NSUN6: variants seen among roughly 807,000 people sequenced by gnomAD.
NSUN6 encodes the protein tRNA (cytosine(72)-C(5))-methyltransferase NSUN6.
In NSUN6, 64 loss-of-function variants were observed where a neutral mutation model predicts 58.0. The observed-to-expected ratio is 1.10, with a 90% CI of 0.90 to 1.36. The LOEUF (loss-of-function observed/expected upper bound fraction) is 1.36. Ranked by LOEUF, NSUN6 falls within the 40% of genes most tolerant of loss-of-function variation. The pLI, the probability that NSUN6 is intolerant of heterozygous loss-of-function variation, is 0.00. For missense variants in NSUN6, 701 were observed against 550.1 expected (o/e 1.27, Z -2.74); for synonymous variants, 231 against 193.9 (o/e 1.19, Z -1.59).
At chr10:18,649,722 G>A (rs371798985) in intron 1 of NSUN6, among the ~76,000 whole-genome samples, 78 of 151,930 alleles carry the variant, frequency 5.1e-4, no homozygotes, top group African/African-American at 1.6e-3. Flanking sequence ...CCATACCACT[G>A]ATGAGACTCG....
intron 6 of NSUN6, among the ~76,000 whole-genome samples, chr10:18,602,537 T>G (rs2057886928): frequency 1.3e-5 from 2 of 149,896 alleles, no homozygotes; most frequent in African/African-American, 4.9e-5. Flanking sequence ...CCCGGCCTAA[T>G]TTTTGTATTT....
At chr10:18,651,917 C>T, upstream of NSUN6, 1 of 985,432 alleles carries the variant, frequency 1.0e-6, no homozygotes, top group Non-Finnish European at 1.2e-6. Context: ...TGAAAAAAGG[C>T]ACAGCCCAGT....
chr10:18,552,678 T>C (rs1223740962), intron 8 of NSUN6, among the ~76,000 whole-genome samples: 2 of 151,760 alleles, frequency 1.3e-5, no homozygotes. Context: ...CTCCATTCCA[T>C]TCCATTCCAT....
chr10:18,655,887 C>T (rs2059771997), upstream of NSUN6, among the ~76,000 whole-genome samples: 1 of 152,048 alleles, frequency 6.6e-6, no homozygotes, highest in Admixed American at 6.6e-5. Context: ...GAGCCCTAAA[C>T]TACAGAAGAG....
At chr10:18,597,715 G>A (rs553577411) in intron 6 of NSUN6, among the ~76,000 whole-genome samples, 119 of 152,272 alleles carry the variant, frequency 7.8e-4, no homozygotes, top group Non-Finnish European at 1.2e-3. Flanking sequence ...GCAGTGAGCA[G>A]AGATAGCGTC....
chr10:18,559,527 A>G (rs1217516175), intron 8 of NSUN6, among the ~76,000 whole-genome samples: 2 of 149,942 alleles, frequency 1.3e-5, no homozygotes, highest in Non-Finnish European at 3.0e-5. Flanking sequence ...TTGGAATGGA[A>G]CAGAATGGAG....
At chr10:18,648,958 G>A (rs2059627322) in intron 1 of NSUN6, among the ~76,000 whole-genome samples, 1 of 152,060 alleles carries the variant, frequency 6.6e-6, no homozygotes, top group Non-Finnish European at 1.5e-5. Context: ...ATAAATTCAG[G>A]AATTCAGTCT....
chr10:18,555,589 T>TG (rs1185979028), intron 8 of NSUN6, among the ~76,000 whole-genome samples: 1 of 146,052 alleles, frequency 6.8e-6, no homozygotes, highest in African/African-American at 2.6e-5. Context: ...TGGAATGAAA[T>TG]GGAGTGGAGA....
intron 3 of NSUN6, among the ~76,000 whole-genome samples, chr10:18,636,025 A>G (rs566281973): frequency 1.1e-4 from 17 of 151,636 alleles, no homozygotes; most frequent in African/African-American, 2.9e-4. Flanking sequence ...TTTCTTCACA[A>G]TAACATTTGA....
At chr10:18,637,150 A>T (rs1340354560) in intron 3 of NSUN6, among the ~76,000 whole-genome samples, 2 of 151,902 alleles carry the variant, frequency 1.3e-5, no homozygotes, top group Non-Finnish European at 2.9e-5. Flanking sequence ...TATAGTAGAG[A>T]CAGGGTTTCA....
At chr10:18,553,613 C>G (rs2054763929) in intron 8 of NSUN6, among the ~76,000 whole-genome samples, 1 of 144,290 alleles carries the variant, frequency 6.9e-6, no homozygotes, top group Admixed American at 6.9e-5. Context: ...AATGGAATGG[C>G]ATGGAGTGGA....
intron 7 of NSUN6, among the ~76,000 whole-genome samples, chr10:18,592,981 C>T (rs558897732): frequency 4.1e-4 from 62 of 152,130 alleles, no homozygotes; most frequent in Non-Finnish European, 7.6e-4. Flanking sequence ...GTCTAATAAC[C>T]AGAATCTACG....
At chr10:18,628,815 G>A (rs1246289256) in intron 3 of NSUN6, among the ~76,000 whole-genome samples, 1 of 152,196 alleles carries the variant, frequency 6.6e-6, no homozygotes, top group African/African-American at 2.4e-5. Flanking sequence ...ATGGAATCAA[G>A]TTGGAAAACA....
chr10:18,586,158 A>T, intron 7 of NSUN6, 65 bp from the exon 8 acceptor site: 1 of 1,281,442 alleles, frequency 7.8e-7, no homozygotes, highest in East Asian at 2.5e-5. Context: ...CAAAGCAGTC[A>T]TAAAAATAAT....
intron 10 of NSUN6, among the ~76,000 whole-genome samples, chr10:18,547,203 C>T (rs1325830688): frequency 6.6e-6 from 1 of 152,176 alleles, no homozygotes; most frequent in African/African-American, 2.4e-5. Context: ...AATCCTAAGT[C>T]ACCATCACAG....
intron 3 of NSUN6, among the ~76,000 whole-genome samples, chr10:18,638,012 G>T (rs75069035): frequency 6.6e-6 from 1 of 152,144 alleles, no homozygotes; most frequent in African/African-American, 2.4e-5. Flanking sequence ...GACAGGAGAC[G>T]TAACAGATGA....
At chr10:18,600,480 C>A (rs1161597313) in intron 6 of NSUN6, among the ~76,000 whole-genome samples, 1 of 152,014 alleles carries the variant, frequency 6.6e-6, no homozygotes, top group East Asian at 1.9e-4. Flanking sequence ...AAAAAATTGG[C>A]TTCACATAGT....
At chr10:18,647,990 C>T (rs1218564808) in intron 2 of NSUN6, among the ~76,000 whole-genome samples, 1 of 152,170 alleles carries the variant, frequency 6.6e-6, no homozygotes, top group Non-Finnish European at 1.5e-5. Context: ...CCACCTGCTT[C>T]AGCCTCCCAA....
At position 18,561,077 on chromosome 10, in the gene NSUN6, ATGGAATGGAG is replaced by A. The variant is rs1416970980; in HGVS notation, c.923-9116_923-9107del. Among the ~76,000 whole-genome samples, 151 of 149,288 alleles carry A rather than the reference ATGGAATGGAG, an allele frequency of 1.0e-3. 2 individuals are homozygous for A. Among genetic ancestry groups the A allele is most frequent in the African/African-American group, 3.5e-3 (144 of 40,764 alleles). ...AATGGAGGATGGTATAGAAAATGGAATGGAATGGAGAATGGAATGGAATGGAAAAAGGAAT... is the reference window on the plus strand; with the variant it reads ...AATGGAGGATGGTATAGAAAATGGAAAATGGAATGGAATGGAAAAAGGAAT... On this transcript the variant is annotated intron_variant, in intron 8 of 10. Coordinates refer to ENST00000377304, the MANE Select transcript of NSUN6 (RefSeq NM_182543.5).
Sources: gnomAD v4.1 joint callset for allele counts (sites outside exome capture counted in the v4.1 genomes callset) on GRCh38, gnomAD v4.1.1 for gene constraint, MANE v1.5 for transcripts, NCBI Gene and HGNC (gene_info 2026-07-23, HGNC 2026-07-21) for gene names.